Variants in ZNF385D observed in about 807,000 individuals in gnomAD.
ZNF385D encodes the protein zinc finger protein 659.
Under a neutral mutation model 35.8 loss-of-function variants are expected in ZNF385D, and 15 were observed. The ratio of observed to expected loss-of-function variants is 0.42; its 90% CI spans 0.28 to 0.64. The LOEUF (loss-of-function observed/expected upper bound fraction) is 0.64. Ranked by LOEUF, ZNF385D falls within the 30% of genes least tolerant of loss-of-function variation. The pLI is 0.23. For synonymous variants in ZNF385D, 212 were observed against 186.8 expected, an observed-to-expected ratio of 1.13 and a Z score of -1.10; for missense variants, 474 against 494.6, an observed-to-expected ratio of 0.96 and a Z score of 0.39.
At chr3:22,338,517 C>G (rs1281467876) in intron 2 of ZNF385D, among the ~76,000 whole-genome samples, 1 of 151,924 alleles carries the variant, frequency 6.6e-6, no homozygotes, top group Non-Finnish European at 1.5e-5. Flanking sequence ...TATCAATATA[C>G]AGTGGATAGA....
At chr3:22,201,955 T>C (rs111584970) in intron 2 of ZNF385D, among the ~76,000 whole-genome samples, 1,815 of 151,592 alleles carry the variant, frequency 0.012, 17 homozygotes, top group African/African-American at 0.035. Context: ...CAAGAAAAAA[T>C]TGAGTGTGTT....
At chr3:21,436,623 A>T (rs891405370) in intron 5 of ZNF385D, among the ~76,000 whole-genome samples, 3 of 152,158 alleles carry the variant, frequency 2.0e-5, no homozygotes, top group African/African-American at 7.2e-5. Context: ...TATTATGGGT[A>T]CAGTTTTAGA....
intron 4 of ZNF385D, among the ~76,000 whole-genome samples, chr3:21,445,554 C>T (rs1006646077): frequency 6.6e-6 from 1 of 152,160 alleles, no homozygotes; most frequent in Non-Finnish European, 1.5e-5. Context: ...AAAGCATTGT[C>T]CTTAGTTGAT....
chr3:21,768,973 GAAAACA>G (rs202189201), intron 3 of ZNF385D, among the ~76,000 whole-genome samples: 62 of 151,876 alleles, frequency 4.1e-4, no homozygotes, highest in Non-Finnish European at 7.2e-4. Context: ...ACAGGCTCAG[GAAAACA>G]AAAACAAAAA....
At chr3:21,699,678 T>C (rs553244817) in intron 1 of ZNF385D, among the ~76,000 whole-genome samples, 1 of 152,002 alleles carries the variant, frequency 6.6e-6, no homozygotes, top group Non-Finnish European at 1.5e-5. Context: ...ATTGATAATG[T>C]TGAAATAATA....
intron 2 of ZNF385D, among the ~76,000 whole-genome samples, chr3:22,315,900 G>A (rs1485901706): frequency 6.6e-6 from 1 of 152,208 alleles, no homozygotes; most frequent in Non-Finnish European, 1.5e-5. Flanking sequence ...ATTATAGGAA[G>A]GGTCTGAATT....
intron 2 of ZNF385D, among the ~76,000 whole-genome samples, chr3:22,258,401 T>G (rs1196892963): frequency 6.6e-6 from 1 of 151,822 alleles, no homozygotes; most frequent in African/African-American, 2.4e-5. Flanking sequence ...GGTTATAAAG[T>G]AAATTGTGAA....
At chr3:22,153,845 A>G (rs1705419851) in intron 3 of ZNF385D, among the ~76,000 whole-genome samples, 1 of 151,964 alleles carries the variant, frequency 6.6e-6, no homozygotes, top group South Asian at 2.1e-4. Flanking sequence ...CCTCAGCCAT[A>G]TTTTAACAGA....
intron 3 of ZNF385D, among the ~76,000 whole-genome samples, chr3:22,150,687 T>A (rs1705169847): frequency 6.6e-6 from 1 of 152,166 alleles, no homozygotes; most frequent in Non-Finnish European, 1.5e-5. Context: ...ATCTAGCTTG[T>A]CATCAACTCA....
chr3:21,943,330 A>G (rs2125279603), intron 3 of ZNF385D, among the ~76,000 whole-genome samples: 1 of 151,576 alleles, frequency 6.6e-6, no homozygotes, highest in Non-Finnish European at 1.5e-5. Context: ...ATATATATAC[A>G]TATATATAGC....
intron 3 of ZNF385D, among the ~76,000 whole-genome samples, chr3:21,967,192 G>C (rs1053153992): frequency 4.6e-5 from 7 of 152,016 alleles, no homozygotes; most frequent in Non-Finnish European, 1.0e-4. Context: ...CTTTAGCTTT[G>C]GCACTGTTTA....
chr3:21,505,955 G>C (rs748669109), intron 4 of ZNF385D, among the ~76,000 whole-genome samples: 1 of 151,910 alleles, frequency 6.6e-6, no homozygotes, highest in African/African-American at 2.4e-5. Flanking sequence ...CTCCTCCCTC[G>C]AAGTACCTAT....
intron 2 of ZNF385D, among the ~76,000 whole-genome samples, chr3:22,366,807 A>G (rs1696678161): frequency 6.6e-6 from 1 of 152,174 alleles, no homozygotes; most frequent in Non-Finnish European, 1.5e-5. Flanking sequence ...TAGGCTTTAA[A>G]TGCAAATATA....
chr3:21,592,681 T>A (rs1379865532), intron 2 of ZNF385D, among the ~76,000 whole-genome samples: 1 of 152,020 alleles, frequency 6.6e-6, no homozygotes, highest in Admixed American at 6.5e-5. Context: ...TCAAATCAGA[T>A]CGTTTAGAGG....
At chr3:21,504,690 A>G (rs1706644576) in intron 4 of ZNF385D, among the ~76,000 whole-genome samples, 1 of 152,146 alleles carries the variant, frequency 6.6e-6, no homozygotes, top group Non-Finnish European at 1.5e-5. Flanking sequence ...AGAAAAGTGA[A>G]AGAATTTTCC....
At chr3:22,062,143 T>C (rs539967060) in intron 3 of ZNF385D, among the ~76,000 whole-genome samples, 1 of 152,288 alleles carries the variant, frequency 6.6e-6, no homozygotes, top group African/African-American at 2.4e-5. Flanking sequence ...GCTCAAGCAA[T>C]TCTCCCACCT....
intron 3 of ZNF385D, among the ~76,000 whole-genome samples, chr3:21,535,638 C>A (rs1289630776): frequency 4.0e-5 from 6 of 151,456 alleles, no homozygotes; most frequent in Admixed American, 3.9e-4. Flanking sequence ...ATCCACTTAG[C>A]AATTTTTTTT....
At chr3:21,816,985 C>A (rs878937225) in intron 3 of ZNF385D, among the ~76,000 whole-genome samples, 1 of 152,104 alleles carries the variant, frequency 6.6e-6, no homozygotes, top group African/African-American at 2.4e-5. Flanking sequence ...CCAAAACAGA[C>A]ATATAGACCA....
intron 3 of ZNF385D, among the ~76,000 whole-genome samples, chr3:22,123,753 C>G (rs531345376): frequency 1.1e-4 from 17 of 151,894 alleles, no homozygotes; most frequent in African/African-American, 4.1e-4. Flanking sequence ...CTCAGCTACT[C>G]GGGAGGCCGA....
Sources: gnomAD v4.1 joint callset for allele counts (sites outside exome capture counted in the v4.1 genomes callset) on GRCh38, gnomAD v4.1.1 for gene constraint, MANE v1.5 for transcripts, NCBI Gene and HGNC (gene_info 2026-07-23, HGNC 2026-07-21) for gene names.